The following GABBR2 variants were observed in gnomAD, a reference collection of about 807,000 sequenced individuals.
The protein encoded by GABBR2 is G-protein coupled receptor 51.
GABBR2 carries 23 observed loss-of-function variants against 105.6 expected under a neutral mutation model. The observed-to-expected ratio is 0.22, with a 90% CI of 0.16 to 0.31. The LOEUF is 0.31. Ranked by LOEUF, GABBR2 falls within the 10% of genes least tolerant of loss-of-function variation. The pLI is 1.00. For missense variants in GABBR2, 734 were observed against 1,245.5 expected, an observed-to-expected ratio of 0.59 and a Z score of 6.18; for synonymous variants, 478 against 499.7, an observed-to-expected ratio of 0.96 and a Z score of 0.58.
chr9:98,482,635 CA>C (rs1371166107), intron 4 of GABBR2, among the ~76,000 whole-genome samples: 3 of 152,150 alleles, frequency 2.0e-5, no homozygotes. Flanking sequence ...ATGGTAAAAA[CA>C]GCTTATTAGA....
Position 98,570,192 on chromosome 9 carries a change from G to A in GABBR2, c.459+7743C>T, listed in dbSNP as rs568406648. Among the ~76,000 whole-genome samples the A allele has an allele frequency of 4.6e-5, 7 of 152,242 alleles. No individual in the cohort carries two copies. The South Asian group carries it at 6.2e-4, about 14-fold the overall frequency. On this transcript the variant is annotated intron_variant, in intron 2 of 18. Transcript: ENST00000259455. The stretch of plus-strand genomic sequence containing the variant: ...AGGAGACAGCCCCATGACACAAGCC[G>A]AAATGTTCCTTCCCAGGAAGGTCCT...
intron 2 of GABBR2, among the ~76,000 whole-genome samples, chr9:98,548,696 T>C (rs1339543758): frequency 8.3e-6 from 1 of 119,816 alleles, no homozygotes; most frequent in Admixed American, 9.4e-5. Flanking sequence ...GAGTCCTGAG[T>C]CTAACTCAGA....
intron 7 of GABBR2, among the ~76,000 whole-genome samples, chr9:98,431,844 T>G (rs1166699952): frequency 6.6e-6 from 1 of 152,070 alleles, no homozygotes; most frequent in East Asian, 1.9e-4. Context: ...TACAGGCACC[T>G]GCCACCATGC....
At chr9:98,524,149 C>T (rs1009402352) in intron 3 of GABBR2, among the ~76,000 whole-genome samples, 3 of 152,108 alleles carry the variant, frequency 2.0e-5, no homozygotes, top group Non-Finnish European at 2.9e-5. Context: ...GAAGAAGCTA[C>T]AAAGATAACT....
intron 12 of GABBR2, among the ~76,000 whole-genome samples, chr9:98,368,597 T>C (rs1831723039): frequency 6.6e-6 from 1 of 152,360 alleles, no homozygotes; most frequent in Admixed American, 6.5e-5. Context: ...GTTTTGTCGA[T>C]TGTGGCCAGA....
At chr9:98,466,973 T>C (rs1323710698) in intron 6 of GABBR2, among the ~76,000 whole-genome samples, 4 of 152,098 alleles carry the variant, frequency 2.6e-5, no homozygotes, top group Non-Finnish European at 5.9e-5. Flanking sequence ...AAATGGCTAC[T>C]AGAAATCCAG....
chr9:98,540,187 AGATGAC>A (rs1828264752), intron 3 of GABBR2, among the ~76,000 whole-genome samples: 1 of 152,214 alleles, frequency 6.6e-6, no homozygotes, highest in Non-Finnish European at 1.5e-5. Flanking sequence ...AGAGGTGGGA[AGATGAC>A]GAGCAGTCTT....
intron 3 of GABBR2, among the ~76,000 whole-genome samples, chr9:98,537,847 G>T (rs7876036): frequency 0.074 from 11,226 of 152,174 alleles, 828 homozygotes; most frequent in African/African-American, 0.19. Context: ...AAAGGAAATG[G>T]AAGAAAATCC....
At chr9:98,600,975 G>A (rs1488814020) in intron 1 of GABBR2, among the ~76,000 whole-genome samples, 1 of 152,110 alleles carries the variant, frequency 6.6e-6, no homozygotes, top group Non-Finnish European at 1.5e-5. Flanking sequence ...TGGTCCCCCG[G>A]TGAGCACCCT....
At chr9:98,371,715 A>C in intron 11 of GABBR2, 144 bp from the exon 12 acceptor site, 1 of 612,944 alleles carries the variant, frequency 1.6e-6, no homozygotes, top group Non-Finnish European at 2.9e-6. Context: ...GGCATCTTTC[A>C]ATCAAATTTC....
chr9:98,685,073 G>A (rs1830603503), intron 1 of GABBR2, among the ~76,000 whole-genome samples: 1 of 152,180 alleles, frequency 6.6e-6, no homozygotes, highest in African/African-American at 2.4e-5. Flanking sequence ...CCTCAATCTG[G>A]GTGGGCACCA....
At chr9:98,633,348 C>T (rs557270361) in intron 1 of GABBR2, among the ~76,000 whole-genome samples, 29 of 152,250 alleles carry the variant, frequency 1.9e-4, no homozygotes, top group African/African-American at 4.1e-4. Context: ...ACAGGCCAGG[C>T]GCAGTGGCTT....
At chr9:98,394,310 G>C in intron 8 of GABBR2, 55 bp from the exon 9 acceptor site, 1 of 1,284,666 alleles carries the variant, frequency 7.8e-7, no homozygotes, top group Non-Finnish European at 1.1e-6. Context: ...TTTGTGTCTG[G>C]GTGCTCCTAT....
intron 1 of GABBR2, among the ~76,000 whole-genome samples, chr9:98,641,092 C>T (rs1829954661): frequency 6.6e-6 from 1 of 151,680 alleles, no homozygotes; most frequent in Admixed American, 6.6e-5. Flanking sequence ...AGTCTGATTC[C>T]AGAGGTCTGA....
chr9:98,414,637 G>A (rs1351743643), intron 7 of GABBR2, among the ~76,000 whole-genome samples: 1 of 152,188 alleles, frequency 6.6e-6, no homozygotes, highest in African/African-American at 2.4e-5. Flanking sequence ...GCCAGTCGCT[G>A]GCTAGCTGTT....
intron 1 of GABBR2, among the ~76,000 whole-genome samples, chr9:98,580,162 A>G (rs1828981787): frequency 6.6e-6 from 1 of 151,856 alleles, no homozygotes; most frequent in Non-Finnish European, 1.5e-5. Flanking sequence ...AATCAAAAGC[A>G]TTTTCCTTCC....
chr9:98,388,061 G>C lies in GABBR2; in HGVS notation c.1529+793C>G, dbSNP rs753876144. 6.6e-6 allele frequency among the ~76,000 whole-genome samples: 1 copy of C among 152,154 alleles called. No individual in the cohort carries two copies. Among genetic ancestry groups the C allele is most frequent in the Non-Finnish European group, 1.5e-5 (1 of 68,028 alleles). On this transcript the variant is annotated intron_variant, in intron 10 of 18. Transcript: ENST00000259455. The surrounding 1 kb of genome is among the most constrained non-coding windows in gnomAD (Gnocchi z 4.4). ...GCACCCCTGCTTATTCCACAAAAAG[G>C]CTTGGGGCTGGGTTCAGGGATTTGC...
intron 13 of GABBR2, among the ~76,000 whole-genome samples, chr9:98,319,085 C>G (rs1361273411): frequency 1.3e-5 from 2 of 152,122 alleles, no homozygotes; most frequent in Non-Finnish European, 2.9e-5. Flanking sequence ...GGAAAGGGCC[C>G]TGGACTCAGA....
At chr9:98,499,802 A>G (rs1488853162) in intron 3 of GABBR2, among the ~76,000 whole-genome samples, 1 of 152,258 alleles carries the variant, frequency 6.6e-6, no homozygotes, top group Admixed American at 6.5e-5. Context: ...CTGTAATCCC[A>G]GCACTTTGGG....
Sources: gnomAD v4.1 joint callset for allele counts (sites outside exome capture counted in the v4.1 genomes callset) on GRCh38, gnomAD v4.1.1 for gene constraint, Gnocchi (gnomAD v3.1) non-coding constraint, MANE v1.5 for transcripts, NCBI Gene and HGNC (gene_info 2026-07-23, HGNC 2026-07-21) for gene names.